TIMP4: variants seen among roughly 807,000 people sequenced by gnomAD.
The protein encoded by TIMP4 is metalloproteinase inhibitor 4.
In TIMP4, 28 loss-of-function variants were observed where a neutral mutation model predicts 27.3. The ratio of observed to expected loss-of-function variants is 1.03; its 90% CI spans 0.76 to 1.41. The LOEUF is 1.41. Among genes scored for constraint, TIMP4 ranks in the 40% most tolerant of loss-of-function variants. The pLI, the probability that TIMP4 is intolerant of heterozygous loss-of-function variation, is 0.00. For synonymous variants in TIMP4, 138 were observed against 115.5 expected (o/e 1.20, Z -1.25); for missense variants, 307 against 285.5 (o/e 1.08, Z -0.54).
In TIMP4 at chr3:12,157,333, C is replaced by T. The variant is rs373404183; in HGVS notation, c.237+52G>A. 7 of 1,561,944 alleles carry T rather than the reference C, an allele frequency of 4.5e-6. No homozygotes were observed. The African/African-American group carries it at 6.8e-5, about 15-fold the overall frequency. ...ACCAGCCCTCCCAGAACACAGACTCCACTTTCTCCATCAGCCTTAGGGGCT... is the reference window on the plus strand; with the variant it reads ...ACCAGCCCTCCCAGAACACAGACTCTACTTTCTCCATCAGCCTTAGGGGCT... On this transcript the variant is annotated intron_variant, in intron 2 of 4. Transcript: ENST00000287814.
At chr3:12,153,839 G>A in intron 4 of TIMP4, 127 bp from the exon 5 acceptor site, 1 of 1,013,818 alleles carries the variant, frequency 9.9e-7, no homozygotes, top group Non-Finnish European at 1.5e-6. Context: ...GCCTTTCCCA[G>A]TCCCCAGTCT....
chr3:12,156,780 A>C, intron 3 of TIMP4, 40 bp downstream of exon 3: 16 of 1,446,032 alleles, frequency 1.1e-5, no homozygotes, highest in Non-Finnish European at 1.5e-5. Context: ...CTAGGGCAGA[A>C]TCTATTATAT....
Position 12,158,897 on chromosome 3 carries a change from A to C in TIMP4, c.-57T>G. The C allele has an allele frequency of 1.4e-6, 2 of 1,465,152 alleles. No homozygotes were observed. The highest frequency in any genetic ancestry group is 1.8e-6 in the Non-Finnish European group (2 of 1,109,858). 90.8% of individuals were successfully genotyped at this position (1,465,152 alleles called of 1,614,324 possible). ...GTCTGGGGGACTGGACGGCCCCAGC[A>C]GGGCTCCTTCCCAAGGCCGTTGTGC... On this transcript the variant is annotated 5_prime_UTR_variant, in exon 1 of 5. Coordinates refer to ENST00000287814, the MANE Select transcript of TIMP4 (RefSeq NM_003256.4).
chr3:12,157,110 AC>A (rs60634351), intron 2 of TIMP4, among the ~76,000 whole-genome samples, 176 bp from the exon 3 acceptor site: 9 of 152,272 alleles, frequency 5.9e-5, no homozygotes, highest in South Asian at 2.1e-4. Flanking sequence ...AACAACAACA[AC>A]AAAAAACACC....
chr3:12,157,490 G>C lies in TIMP4; in HGVS notation c.140-8C>G. ...AGATTTTGGCCCGAATCACTGCATA[G>C]GAAGAGAAAAGAGGGAACCTTCAGC... On this transcript the variant is annotated splice_polypyrimidine_tract_variant and splice_region_variant and intron_variant, in intron 1 of 4. Coordinates refer to ENST00000287814, the MANE Select transcript of TIMP4 (RefSeq NM_003256.4). 1 of 1,613,954 alleles carries C rather than the reference G, an allele frequency of 6.2e-7. No homozygotes were observed. Among genetic ancestry groups the C allele is most frequent in the East Asian group, 2.2e-5 (1 of 44,876 alleles).
At chr3:12,155,786 C>T (rs1417384526) in intron 3 of TIMP4, among the ~76,000 whole-genome samples, 1 of 152,222 alleles carries the variant, frequency 6.6e-6, no homozygotes, top group African/African-American at 2.4e-5. Context: ...GCTGTACCTC[C>T]ATGCCTAGCA....
intron 3 of TIMP4, 73 bp downstream of exon 3, chr3:12,156,747 T>A: frequency 1.6e-6 from 2 of 1,244,962 alleles, no homozygotes; most frequent in Non-Finnish European, 1.2e-6. Flanking sequence ...AGGAAGACCC[T>A]GGCTCCTTTC....
chr3:12,153,561 C>T lies in TIMP4; in HGVS notation c.629G>A (p.Gly210Asp). The T allele has an allele frequency of 6.2e-7, 1 of 1,614,004 alleles. No homozygotes were observed. Among genetic ancestry groups the T allele is most frequent in the Non-Finnish European group, 8.5e-7 (1 of 1,180,002 alleles). Residue 210 changes from glycine to aspartate, a missense_variant, in exon 5 of 5, where the codon GGC (glycine) becomes GAC (aspartate). Gly to Asp is a moderately conservative substitution (Grantham distance 94, BLOSUM62 -1). Transcript: ENST00000287814. ...AAACTCCTTCCTGAGAGGCAGGTGG[C>T]CCCGGTACCAGCTGCAGGTGCCGTC... is the stretch of plus-strand genomic sequence containing the variant. ...HVDGTCSWYR[G>D]HLPLRKEFVD...
chr3:12,158,165 G>A lies in TIMP4; in HGVS notation c.139+537C>T, dbSNP rs148379323. 2.6e-5 allele frequency among the ~76,000 whole-genome samples: 4 copies of A among 152,316 alleles called. No individual in the cohort carries two copies. The East Asian group carries it at 7.7e-4, about 29-fold the overall frequency. ...TGAGGCGGCACCAAGGAGCCCGGGAGCCTGCAGAGAAGGGGAGAGACCTAA... is the reference window on the plus strand; with the variant it reads ...TGAGGCGGCACCAAGGAGCCCGGGAACCTGCAGAGAAGGGGAGAGACCTAA... On this transcript the variant is annotated intron_variant, in intron 1 of 4. Transcript: ENST00000287814.
At chr3:12,156,710 A>G (rs1307287795) in intron 3 of TIMP4, 110 bp downstream of exon 3, 9 of 790,840 alleles carry the variant, frequency 1.1e-5, no homozygotes, top group Non-Finnish European at 6.2e-6. Context: ...GCCCAAGAAA[A>G]TGCCACCTGG....
Position 12,154,469 on chromosome 3 carries a change from G to A in TIMP4, c.353-18C>T. ...GACCTGACCTTCAAGGGGAGATGGA[G>A]GAGAGTCAAGCATCAGGATTCTTCT... On this transcript the variant is annotated intron_variant, in intron 3 of 4. Coordinates refer to ENST00000287814, the MANE Select transcript of TIMP4 (RefSeq NM_003256.4). 1.2e-6 allele frequency: 2 copies of A among 1,613,682 alleles called. No individual in the cohort carries two copies. Among genetic ancestry groups the A allele is most frequent in the Non-Finnish European group, 8.5e-7 (1 of 1,179,690 alleles).
At chr3:12,156,797 C>T in intron 3 of TIMP4, 23 bp downstream of exon 3, 2 of 1,583,654 alleles carry the variant, frequency 1.3e-6, no homozygotes, top group Non-Finnish European at 1.7e-6. Context: ...ATATTAAGGC[C>T]AGTTGTTGGT....
At chr3:12,156,648 A>G (rs1697465279) in intron 3 of TIMP4, among the ~76,000 whole-genome samples, 172 bp downstream of exon 3, 1 of 152,204 alleles carries the variant, frequency 6.6e-6, no homozygotes, top group African/African-American at 2.4e-5. Flanking sequence ...GGGAGGTTAC[A>G]AGGCTCCTCC....
intron 3 of TIMP4, 137 bp from the exon 4 acceptor site, chr3:12,154,588 G>T: frequency 1.2e-6 from 1 of 844,038 alleles, no homozygotes; most frequent in Non-Finnish European, 1.8e-6. Flanking sequence ...CTCAGTGAAG[G>T]GACCAATAAA....
In TIMP4 at chr3:12,154,453, T is replaced by C; in HGVS notation, c.353-2A>G. ...CTTTTCCATCACTGAGGACCTGACC[T>C]TCAAGGGGAGATGGAGGAGAGTCAA... On this transcript the variant is annotated splice_acceptor_variant, in intron 3 of 4. Coordinates refer to ENST00000287814, the MANE Select transcript of TIMP4 (RefSeq NM_003256.4). LOFTEE classifies it high-confidence loss of function. 6.2e-7 allele frequency: 1 copy of C among 1,613,942 alleles called. No individual in the cohort carries two copies. The highest frequency in any genetic ancestry group is 8.5e-7 in the Non-Finnish European group (1 of 1,179,920).
Position 12,153,192 on chromosome 3 carries a change from G to T in TIMP4, c.*323C>A, listed in dbSNP as rs916501680. 5 of 417,440 alleles carry T rather than the reference G, an allele frequency of 1.2e-5. No individual in the cohort carries two copies. In the East Asian group the frequency reaches 1.9e-4, roughly 16 times the overall value. The allele number at this position is 417,440 out of a possible 1,614,324, so 25.9% of individuals were successfully genotyped here. ...TTCGCCATTTCTCCCCTACCAGATC[G>T]ATTAAGACAAAGGAAAACACATATT... is the stretch of plus-strand genomic sequence containing the variant. On this transcript the variant is annotated 3_prime_UTR_variant, in exon 5 of 5. Transcript: ENST00000287814.
chr3:12,153,314 G>A lies in TIMP4; in HGVS notation c.*201C>T. The A allele has an allele frequency of 4.8e-6, 3 of 619,552 alleles. No individual in the cohort carries two copies. Among genetic ancestry groups the A allele is most frequent in the Non-Finnish European group, 8.6e-6 (3 of 347,486 alleles). 38.4% of individuals were successfully genotyped at this position (619,552 alleles called of 1,614,324 possible). A position where few individuals can be genotyped will look rare whatever the true frequency, so the allele number is the denominator to read the frequency against. On this transcript the variant is annotated 3_prime_UTR_variant, in exon 5 of 5. Transcript: ENST00000287814. Reference sequence around the variant, plus strand: ...CTACAAGGCTAGACTAATGGGGTTTGGGAGGCAGGGGCAACAGGCTGAGGG... The same window carrying A: ...CTACAAGGCTAGACTAATGGGGTTTAGGAGGCAGGGGCAACAGGCTGAGGG...
rs1574971186 is a variant in TIMP4, at chr3:12,153,443, A to G, written c.*72T>C. The G allele has an allele frequency of 6.4e-7, 1 of 1,570,666 alleles. No individual in the cohort carries two copies. Among genetic ancestry groups the G allele is most frequent in the South Asian group, 1.1e-5 (1 of 89,728 alleles). ...GCAAGAGGTCAGGTGGTAATGGCCA[A>G]AGCTCTGCAGGGAAGGAGAACTGGC... On this transcript the variant is annotated 3_prime_UTR_variant, in exon 5 of 5. Transcript: ENST00000287814.
At chr3:12,157,335 C>A in intron 2 of TIMP4, 50 bp downstream of exon 2, 1 of 1,574,572 alleles carries the variant, frequency 6.4e-7, no homozygotes, top group Non-Finnish European at 8.7e-7. Context: ...ACAGACTCCA[C>A]TTTCTCCATC....
Sources: gnomAD v4.1 joint callset for allele counts (sites outside exome capture counted in the v4.1 genomes callset) on GRCh38, gnomAD v4.1.1 for gene constraint, MANE v1.5 for transcripts, NCBI Gene and HGNC (gene_info 2026-07-23, HGNC 2026-07-21) for gene names.